RBM6: variants seen among roughly 807,000 people sequenced by gnomAD.
RBM6 encodes RNA binding motif protein 6.
A neutral mutation model predicts 140.4 loss-of-function variants in RBM6; 23 were observed. That is an observed-to-expected ratio of 0.16 (90% CI 0.12 to 0.23). RBM6 has a LOEUF of 0.23. RBM6 is among the 10% of genes least tolerant of loss of function. RBM6 has a pLI of 1.00. For synonymous variants in RBM6, 439 were observed against 475.6 expected, an observed-to-expected ratio of 0.92 and a Z score of 1.00; for missense variants, 1,139 against 1,386.7, an observed-to-expected ratio of 0.82 and a Z score of 2.84.
chr3:50,045,919 T>A (rs558557512), intron 6 of RBM6, among the ~76,000 whole-genome samples: 1 of 152,136 alleles, frequency 6.6e-6, no homozygotes, highest in Non-Finnish European at 1.5e-5. Flanking sequence ...GAGGCAGGAT[T>A]CAAATTTAGG....
chr3:49,945,903 A>G (rs1338516812), intron 1 of RBM6, among the ~76,000 whole-genome samples: 1 of 145,008 alleles, frequency 6.9e-6, no homozygotes, highest in Non-Finnish European at 1.5e-5. Flanking sequence ...AAAAAAAAAA[A>G]AAAGAAGATA....
At chr3:49,945,956 G>A (rs1277727029) in intron 1 of RBM6, among the ~76,000 whole-genome samples, 1 of 149,586 alleles carries the variant, frequency 6.7e-6, no homozygotes, top group Non-Finnish European at 1.5e-5. Context: ...GTCTTCGTAA[G>A]AAAAGGACTG....
intron 5 of RBM6, among the ~76,000 whole-genome samples, chr3:49,993,737 A>G (rs950839877): frequency 3.3e-5 from 5 of 151,656 alleles, no homozygotes. Flanking sequence ...GCATAGCTGA[A>G]GGAGAAATAA....
intron 6 of RBM6, among the ~76,000 whole-genome samples, chr3:50,034,995 C>CTCTCTCCTCT (rs147033921): frequency 7.9e-6 from 1 of 126,752 alleles, no homozygotes; most frequent in Non-Finnish European, 1.6e-5. Context: ...CTCTCCTCTT[C>CTCTCTCCTCT]CCTCTCCTCT....
At chr3:50,025,003 AC>A (rs201551160) in intron 6 of RBM6, among the ~76,000 whole-genome samples, 43 of 149,952 alleles carry the variant, frequency 2.9e-4, no homozygotes, top group East Asian at 7.8e-4. Context: ...AAAACAAAAA[AC>A]AAAAAACAAG....
chr3:50,009,132 T>C (rs2086720738), intron 6 of RBM6, among the ~76,000 whole-genome samples: 1 of 152,280 alleles, frequency 6.6e-6, no homozygotes, highest in South Asian at 2.1e-4. Context: ...GGCAGCTTGA[T>C]TTTAGACAGC....
chr3:50,051,617 G>C (rs2089469613), intron 7 of RBM6, among the ~76,000 whole-genome samples: 1 of 152,186 alleles, frequency 6.6e-6, no homozygotes, highest in African/African-American at 2.4e-5. Context: ...CTCCAGCCTG[G>C]ACATCAAGAG....
chr3:49,984,618 ATCGCATCGCATCGCATCGCATCGCATCG>A (rs1559552777), intron 5 of RBM6, among the ~76,000 whole-genome samples: 19,174 of 148,612 alleles, frequency 0.13, 1,531 homozygotes, highest in Non-Finnish European at 0.18. Context: ...ATCACATCGC[ATCGCATCGCATCGCATCGCATCGCATCG>A]CATCGCATCG....
At chr3:49,985,283 T>C (rs778960743) in intron 5 of RBM6, among the ~76,000 whole-genome samples, 3 of 152,222 alleles carry the variant, frequency 2.0e-5, no homozygotes, top group Non-Finnish European at 4.4e-5. Context: ...TTACCTTAAA[T>C]GAGCACCAGA....
rs1035936547 is a variant in RBM6 at position 49,968,408 on chromosome 3, G to A, written c.983G>A (p.Gly328Asp). The A allele has an allele frequency of 1.9e-6, 3 of 1,614,108 alleles. No homozygotes were observed. Among genetic ancestry groups the A allele is most frequent in the Non-Finnish European group, 2.5e-6 (3 of 1,180,016 alleles). Residue 328 changes from glycine (G) to aspartate (D), a missense_variant, in exon 3 of 21, where the codon GGC becomes GAC. Physicochemically the swap from Gly to Asp is moderately conservative, Grantham distance 94. Around this residue, in one of 9 missense-constraint regions of RBM6, gnomAD observed 566 missense variants for 612.7 expected, o/e 0.92. Coordinates refer to ENST00000266022, the MANE Select transcript of RBM6 (RefSeq NM_005777.3). ...HDHTIERPAF[G>D]IQKGEFEHSE... ...CATACGATAGAAAGGCCTGCTTTTG[G>A]CATTCAGAAGGGAGAATTTGAGCAT...
At chr3:49,943,186 A>G (rs1037879292) in intron 1 of RBM6, among the ~76,000 whole-genome samples, 1 of 152,186 alleles carries the variant, frequency 6.6e-6, no homozygotes, top group African/African-American at 2.4e-5. Context: ...ACTATTGTAA[A>G]TAATGATGCT....
intron 1 of RBM6, among the ~76,000 whole-genome samples, chr3:49,954,117 CAG>C (rs2083862180): frequency 6.7e-6 from 1 of 149,470 alleles, no homozygotes; most frequent in South Asian, 2.1e-4. Context: ...GCTTGGGTGA[CAG>C]AGTGAGATAA....
At chr3:50,036,637 G>A (rs958602767) in intron 6 of RBM6, among the ~76,000 whole-genome samples, 1 of 152,122 alleles carries the variant, frequency 6.6e-6, no homozygotes, top group Non-Finnish European at 1.5e-5. Context: ...TGTCTTCAAT[G>A]TTAGAAGCCA....
At chr3:50,070,412 C>G (rs754042791) in intron 18 of RBM6, 43 bp from the exon 19 acceptor site, 2 of 1,403,928 alleles carry the variant, frequency 1.4e-6, no homozygotes, top group Non-Finnish European at 1.0e-6. Flanking sequence ...TCCCCAATTC[C>G]CTCAGGTGGC....
In RBM6 at chr3:49,951,516, A is replaced by AGG. The variant is rs1318200961; in HGVS notation, c.-66-11058_-66-11057dup. ...TTCCAAAGTGCTGGCATTACAGACA[A>AGG]GGGCCACTGTGCCTGGCCTTTACTA... On this transcript the variant is annotated intron_variant, in intron 1 of 20. Coordinates refer to ENST00000266022, the MANE Select transcript of RBM6 (RefSeq NM_005777.3). Among the ~76,000 whole-genome samples the AGG allele has an allele frequency of 2.9e-4, 44 of 151,988 alleles. 1 individual carries two copies. The highest frequency in any genetic ancestry group is 2.6e-4 in the Non-Finnish European group (18 of 67,968).
chr3:50,015,428 ATTATTTTTT>A, intron 6 of RBM6, among the ~76,000 whole-genome samples: 1 of 127,226 alleles, frequency 7.9e-6, no homozygotes, highest in Admixed American at 8.0e-5. Flanking sequence ...TATTATTATT[ATTATTTTTT>A]TTTTTTTTTT....
At chr3:50,048,375 C>T (rs2089313133) in intron 7 of RBM6, 56 bp downstream of exon 7, 3 of 1,580,844 alleles carry the variant, frequency 1.9e-6, no homozygotes, top group Non-Finnish European at 2.6e-6. Flanking sequence ...ACAGCTCCTC[C>T]ATATCTCTAG....
chr3:50,062,158 G>A, intron 15 of RBM6, 50 bp downstream of exon 15: 6 of 1,584,202 alleles, frequency 3.8e-6, no homozygotes, highest in Non-Finnish European at 5.2e-6. Context: ...TTATTAAAAT[G>A]TTGGAGGTAC....
chr3:49,990,539 TA>T (rs1183485479), intron 5 of RBM6, among the ~76,000 whole-genome samples: 15 of 152,252 alleles, frequency 9.9e-5, no homozygotes, highest in Non-Finnish European at 2.1e-4. Flanking sequence ...TATTGTTTGT[TA>T]TAATAGAAAA....
Sources: gnomAD v4.1 joint callset for allele counts (sites outside exome capture counted in the v4.1 genomes callset) on GRCh38, gnomAD v4.1.1 for gene constraint, gnomAD v4.1.1 regional missense constraint, MANE v1.5 for transcripts, NCBI Gene and HGNC (gene_info 2026-07-23, HGNC 2026-07-21) for gene names.